Variants in SKAP1 observed in about 807,000 individuals in gnomAD.
SKAP1 encodes src kinase associated phosphoprotein 1.
SKAP1 carries 44 observed loss-of-function variants against 58.5 expected under a neutral mutation model. The ratio of observed to expected loss-of-function variants is 0.75; its 90% CI spans 0.59 to 0.97. The LOEUF is 0.97. SKAP1 is among the 50% of genes least tolerant of loss of function. SKAP1 has a pLI of 0.00. For synonymous variants in SKAP1, 127 were observed against 149.7 expected, an observed-to-expected ratio of 0.85 and a Z score of 1.11; for missense variants, 390 against 435.2, an observed-to-expected ratio of 0.90 and a Z score of 0.92.
At chr17:48,348,586 T>A (rs1567877665) in intron 3 of SKAP1, among the ~76,000 whole-genome samples, 2 of 152,150 alleles carry the variant, frequency 1.3e-5, no homozygotes, top group Admixed American at 6.5e-5. Context: ...AACCAATAAA[T>A]TAACATTGGT....
At chr17:48,393,252 TC>T (rs2067372494) in intron 2 of SKAP1, among the ~76,000 whole-genome samples, 2 of 152,230 alleles carry the variant, frequency 1.3e-5, no homozygotes. Context: ...GAAATTGCTA[TC>T]CGTTTTTATT....
At position 48,379,679 on chromosome 17, in the gene SKAP1, C is replaced by CT. The variant is rs1349359136; in HGVS notation, c.153-15866dup. On this transcript the variant is annotated intron_variant, in intron 2 of 12. Transcript: ENST00000336915. ...TAAAGATTCTATACTAAAGTATCTT[C>CT]TTCTTTTTTTTTTTTTTTTTGAGAC... Among the ~76,000 whole-genome samples, 616 of 128,666 alleles carry CT rather than the reference C, an allele frequency of 4.8e-3. 4 individuals carry two copies. Among genetic ancestry groups the CT allele is most frequent in the African/African-American group, 0.019 (572 of 30,688 alleles). The allele number at this position is 128,666 out of a possible 152,430, so 84.4% of individuals were successfully genotyped here. A position where few individuals can be genotyped will look rare whatever the true frequency, so the allele number is the denominator to read the frequency against.
At chr17:48,184,068 T>A (rs1040172600) in intron 7 of SKAP1, among the ~76,000 whole-genome samples, 1 of 152,188 alleles carries the variant, frequency 6.6e-6, no homozygotes, top group Non-Finnish European at 1.5e-5. Context: ...TTTTTAAATT[T>A]TATTGGTCAT....
intron 2 of SKAP1, among the ~76,000 whole-genome samples, chr17:48,395,654 T>C (rs2067408705): frequency 1.3e-5 from 2 of 152,188 alleles, no homozygotes; most frequent in Non-Finnish European, 2.9e-5. Context: ...AAAACTCCCA[T>C]CTTTTGCATT....
chr17:48,348,143 C>T lies in SKAP1; in HGVS notation c.179-2137G>A, dbSNP rs140462972. ...TGGCTTGAGCCTAGGAGTTCAAGACCAGCCTGGGCAACATGACAATACCCC... is the reference window on the plus strand; with the variant it reads ...TGGCTTGAGCCTAGGAGTTCAAGACTAGCCTGGGCAACATGACAATACCCC... On this transcript the variant is annotated intron_variant, in intron 3 of 12. Transcript: ENST00000336915. 4.2e-3 allele frequency among the ~76,000 whole-genome samples: 639 copies of T among 152,020 alleles called. 9 individuals are homozygous for T. The highest frequency in any genetic ancestry group is 0.014 in the African/African-American group (594 of 41,468).
intron 4 of SKAP1, among the ~76,000 whole-genome samples, chr17:48,323,147 A>G (rs559492232): frequency 6.6e-6 from 1 of 151,966 alleles, no homozygotes; most frequent in African/African-American, 2.4e-5. Context: ...ACGCTGGTAG[A>G]CAATTAGCAG....
intron 3 of SKAP1, among the ~76,000 whole-genome samples, chr17:48,358,971 AAACATT>A (rs1232122220): frequency 6.6e-6 from 1 of 152,190 alleles, no homozygotes; most frequent in East Asian, 1.9e-4. Flanking sequence ...TTCTATCATA[AAACATT>A]AACTTGAACA....
chr17:48,295,569 C>G (rs527469739), intron 4 of SKAP1: 106 of 151,264 alleles, frequency 7.0e-4, no homozygotes, highest in African/African-American at 2.4e-3. Flanking sequence ...TGCTGCAGAT[C>G]AGGAAATGTC....
chr17:48,396,931 A>G (rs914165628), intron 1 of SKAP1, 146 bp from the exon 2 acceptor site: 1 of 459,032 alleles, frequency 2.2e-6, no homozygotes, highest in Non-Finnish European at 3.7e-6. Flanking sequence ...GTATAATAAA[A>G]AAAAAAAAAC....
In SKAP1 at chr17:48,169,388, G is replaced by C. The variant is rs558794651; in HGVS notation, c.877+1221C>G. ...TGGTGATGGAAGTTGGTTGAGAAAAGATATATGTGGAACATGGGCGGGTCA... is the reference window on the plus strand; with the variant it reads ...TGGTGATGGAAGTTGGTTGAGAAAACATATATGTGGAACATGGGCGGGTCA... On this transcript the variant is annotated intron_variant, in intron 10 of 12. Coordinates refer to ENST00000336915, the MANE Select transcript of SKAP1 (RefSeq NM_003726.4). Among the ~76,000 whole-genome samples the C allele has an allele frequency of 3.9e-4, 59 of 152,320 alleles. No homozygotes were observed. The South Asian group carries it at 0.011, about 29-fold the overall frequency.
intron 4 of SKAP1, among the ~76,000 whole-genome samples, chr17:48,228,409 C>A (rs1001679275): frequency 1.3e-5 from 2 of 152,206 alleles, no homozygotes; most frequent in Admixed American, 6.5e-5. Context: ...CTGACCAGAG[C>A]TAATCATAGA....
chr17:48,408,010 G>A (rs1325454900), intron 1 of SKAP1, among the ~76,000 whole-genome samples: 2 of 152,104 alleles, frequency 1.3e-5, no homozygotes. Flanking sequence ...CAAAAATTAG[G>A]CAGAGTAAAA....
At chr17:48,341,847 C>T (rs1350742460) in intron 4 of SKAP1, among the ~76,000 whole-genome samples, 2 of 152,146 alleles carry the variant, frequency 1.3e-5, no homozygotes, top group African/African-American at 2.4e-5. Context: ...TATCCATTCA[C>T]CCATTCTTTA....
intron 4 of SKAP1, among the ~76,000 whole-genome samples, chr17:48,316,525 T>C (rs780345573): frequency 5.3e-5 from 8 of 152,176 alleles, no homozygotes; most frequent in Admixed American, 2.6e-4. Flanking sequence ...TCAGTCTTTT[T>C]TGTTGTGTTT....
intron 4 of SKAP1, among the ~76,000 whole-genome samples, chr17:48,208,959 T>C (rs550790688): frequency 6.6e-6 from 1 of 152,298 alleles, no homozygotes; most frequent in Admixed American, 6.5e-5. Flanking sequence ...TCTGCAGAAT[T>C]TACAAAATCT....
chr17:48,331,172 T>A (rs1178614614), intron 4 of SKAP1, among the ~76,000 whole-genome samples: 1 of 152,196 alleles, frequency 6.6e-6, no homozygotes, highest in African/African-American at 2.4e-5. Context: ...AGGTGAAGAA[T>A]GATGCCGATT....
Position 48,207,503 on chromosome 17 carries a change from GA to G in SKAP1, c.281-18004del, listed in dbSNP as rs1179593434. Among the ~76,000 whole-genome samples, 279 of 140,244 alleles carry G rather than the reference GA, an allele frequency of 2.0e-3. 2 individuals are homozygous for G. The highest frequency in any genetic ancestry group is 4.5e-3 in the Admixed American group (63 of 14,004). The allele number at this position is 140,244 out of a possible 152,430, so 92.0% of individuals were successfully genotyped here. ...TCTGTCTCAAAAAAAAAAAAAAAAA[GA>G]AAAAAAATTTACATAAAGTTATATT... On this transcript the variant is annotated intron_variant, in intron 4 of 12. Coordinates refer to ENST00000336915, the MANE Select transcript of SKAP1 (RefSeq NM_003726.4).
At chr17:48,248,845 T>C (rs2143861678) in intron 4 of SKAP1, 1 of 152,168 alleles carries the variant, frequency 6.6e-6, no homozygotes, top group South Asian at 2.1e-4. Flanking sequence ...CAGGGTTTAA[T>C]AGAGGGCCTT....
At chr17:48,274,526 G>A (rs955520063) in intron 4 of SKAP1, among the ~76,000 whole-genome samples, 5 of 151,964 alleles carry the variant, frequency 3.3e-5, no homozygotes, top group Admixed American at 6.6e-5. Flanking sequence ...GAGAAACCCC[G>A]TCTCTACTAA....
Sources: allele counts gnomAD v4.1 joint callset (sites outside exome capture counted in the v4.1 genomes callset), GRCh38; gene constraint gnomAD v4.1.1; transcripts MANE v1.5; gene names NCBI Gene and HGNC (gene_info 2026-07-23, HGNC 2026-07-21).